The following LHFPL2 variants were observed in gnomAD, a reference collection of about 807,000 sequenced individuals.
LHFPL2 encodes LHFPL tetraspan subfamily member 2 protein.
A neutral mutation model predicts 17.5 loss-of-function variants in LHFPL2; 7 were observed. The ratio of observed to expected loss-of-function variants is 0.40; its 90% CI spans 0.23 to 0.75. LHFPL2 has a LOEUF of 0.75. Ranked by LOEUF, LHFPL2 falls within the 30% of genes least tolerant of loss-of-function variation. The pLI is 0.37. For synonymous variants in LHFPL2, 134 were observed against 116.2 expected (o/e 1.15, Z -0.99); for missense variants, 241 against 294.8 (o/e 0.82, Z 1.34).
At chr5:78,526,593 G>C (rs1755626830) in intron 3 of LHFPL2, among the ~76,000 whole-genome samples, 1 of 152,186 alleles carries the variant, frequency 6.6e-6, no homozygotes, top group Admixed American at 6.5e-5. Context: ...AAATAACCCA[G>C]AATAGCAGTG....
intron 4 of LHFPL2, among the ~76,000 whole-genome samples, chr5:78,501,639 A>G (rs1308436156): frequency 6.6e-6 from 1 of 152,202 alleles, no homozygotes; most frequent in Admixed American, 6.5e-5. Context: ...AGACGTGATC[A>G]TATTGCACTA....
chr5:78,510,391 G>T lies in LHFPL2; in HGVS notation c.-178C>A. 1.5e-6 allele frequency: 1 copy of T among 652,300 alleles called. No homozygotes were observed. Among genetic ancestry groups the T allele is most frequent in the East Asian group, 2.8e-5 (1 of 35,662 alleles). 40.4% of individuals were successfully genotyped at this position (652,300 alleles called of 1,614,324 possible). A position where few individuals can be genotyped will look rare whatever the true frequency, so the allele number is the denominator to read the frequency against. On this transcript the variant is annotated 5_prime_UTR_variant, in exon 4 of 5. Transcript: ENST00000380345. ...CTCCCGGACCCAGAGCACCGCCTGC[G>T]GCCTCACCTAGGGGAGAGGGAGGGC... is the stretch of plus-strand genomic sequence containing the variant.
At chr5:78,524,522 A>T (rs1755557575) in intron 3 of LHFPL2, among the ~76,000 whole-genome samples, 1 of 152,174 alleles carries the variant, frequency 6.6e-6, no homozygotes, top group African/African-American at 2.4e-5. Context: ...CAGGCGGATC[A>T]CTTGAGCCCA....
rs1472107971 is a variant in LHFPL2, at chr5:78,487,608, G to GA, written c.*1288dup. 3 of 152,108 alleles carry GA rather than the reference G, an allele frequency of 2.0e-5. No homozygotes were observed. Among genetic ancestry groups the GA allele is most frequent in the Non-Finnish European group, 4.4e-5 (3 of 68,002 alleles). 9.4% of individuals were successfully genotyped at this position (152,108 alleles called of 1,614,324 possible). ...GGTCATTCTGAGATACTATCTTCCT[G>GA]AATCAGTGATATTGGTAATTTATGG... On this transcript the variant is annotated 3_prime_UTR_variant, in exon 5 of 5. Transcript: ENST00000380345.
At chr5:78,514,708 A>G (rs1755239597) in intron 3 of LHFPL2, among the ~76,000 whole-genome samples, 1 of 152,214 alleles carries the variant, frequency 6.6e-6, no homozygotes, top group Admixed American at 6.5e-5. Flanking sequence ...AAGGATGTCA[A>G]TCAAGGTTGC....
intron 2 of LHFPL2, among the ~76,000 whole-genome samples, chr5:78,592,150 G>A (rs1005130741): frequency 6.6e-6 from 1 of 152,236 alleles, no homozygotes; most frequent in African/African-American, 2.4e-5. Context: ...CCTACAATGA[G>A]GGGTCAAAGA....
intron 2 of LHFPL2, among the ~76,000 whole-genome samples, chr5:78,583,911 C>G (rs971073821): frequency 6.6e-6 from 1 of 151,628 alleles, no homozygotes; most frequent in Non-Finnish European, 1.5e-5. Context: ...CCATCACTTT[C>G]AGGTACACCA....
At chr5:78,599,123 C>G (rs189876681) in intron 2 of LHFPL2, among the ~76,000 whole-genome samples, 17 of 152,246 alleles carry the variant, frequency 1.1e-4, no homozygotes, top group Admixed American at 7.8e-4. Flanking sequence ...CCAGCCCTTG[C>G]TTGGCTCAGC....
chr5:78,602,328 G>A (rs1230420597), intron 2 of LHFPL2, among the ~76,000 whole-genome samples: 1 of 152,206 alleles, frequency 6.6e-6, no homozygotes, highest in Non-Finnish European at 1.5e-5. Context: ...GAAAGATGCA[G>A]TATTTGCAAA....
chr5:78,560,455 C>G (rs1029921058), intron 3 of LHFPL2, among the ~76,000 whole-genome samples: 17 of 152,320 alleles, frequency 1.1e-4, no homozygotes, highest in African/African-American at 4.1e-4. Flanking sequence ...CTAAACTGAT[C>G]TCCCGGGGCA....
chr5:78,498,500 G>A (rs1465504400), intron 4 of LHFPL2, among the ~76,000 whole-genome samples: 1 of 152,208 alleles, frequency 6.6e-6, no homozygotes, highest in Non-Finnish European at 1.5e-5. Context: ...GCCACCAACT[G>A]TTGCTAGGTG....
At chr5:78,553,063 C>T (rs760082835) in intron 3 of LHFPL2, among the ~76,000 whole-genome samples, 1 of 152,198 alleles carries the variant, frequency 6.6e-6, no homozygotes, top group Non-Finnish European at 1.5e-5. Context: ...ATGGTGCATG[C>T]CTTTGGACAT....
chr5:78,591,507 C>T (rs1743626299), intron 2 of LHFPL2, among the ~76,000 whole-genome samples: 1 of 152,156 alleles, frequency 6.6e-6, no homozygotes, highest in Non-Finnish European at 1.5e-5. Context: ...ATGAAATCAT[C>T]TGGGAAAAGC....
chr5:78,497,331 T>G (rs1266311673), intron 4 of LHFPL2, among the ~76,000 whole-genome samples: 3 of 152,178 alleles, frequency 2.0e-5, no homozygotes, highest in Non-Finnish European at 4.4e-5. Flanking sequence ...ACCCTAACTA[T>G]CTTCAACATT....
At chr5:78,520,627 G>C (rs1755424425) in intron 3 of LHFPL2, among the ~76,000 whole-genome samples, 2 of 152,250 alleles carry the variant, frequency 1.3e-5, no homozygotes, top group South Asian at 4.1e-4. Flanking sequence ...CTGATGGAGA[G>C]CTGAGCAGCC....
chr5:78,499,752 C>CA (rs1045455858), intron 4 of LHFPL2, among the ~76,000 whole-genome samples: 126 of 152,174 alleles, frequency 8.3e-4, no homozygotes, highest in African/African-American at 3.0e-3. Context: ...TATTGTCAAG[C>CA]AGGTTGACTT....
At chr5:78,579,042 G>A (rs1028508534) in intron 2 of LHFPL2, among the ~76,000 whole-genome samples, 2 of 152,144 alleles carry the variant, frequency 1.3e-5, no homozygotes, top group Admixed American at 1.3e-4. Flanking sequence ...GTCTAACAGG[G>A]ATTATTAACT....
chr5:78,496,559 G>A (rs149859575), intron 4 of LHFPL2, among the ~76,000 whole-genome samples: 2 of 152,322 alleles, frequency 1.3e-5, no homozygotes, highest in Non-Finnish European at 2.9e-5. Flanking sequence ...CTGAGCCCCA[G>A]CCCTTGTTGA....
At chr5:78,490,029 C>A (rs900820043) in intron 4 of LHFPL2, among the ~76,000 whole-genome samples, 2 of 152,174 alleles carry the variant, frequency 1.3e-5, no homozygotes, top group African/African-American at 4.8e-5. Context: ...TTTAAGTAAG[C>A]CAGATGTTTC....
Sources: allele counts gnomAD v4.1 joint callset (sites outside exome capture counted in the v4.1 genomes callset), GRCh38; gene constraint gnomAD v4.1.1; transcripts MANE v1.5; gene names NCBI Gene and HGNC (gene_info 2026-07-23, HGNC 2026-07-21).